HR: variants seen among roughly 807,000 people sequenced by gnomAD.
HR encodes lysine-specific demethylase hairless.
HR carries 83 observed loss-of-function variants against 128.6 expected under a neutral mutation model. The observed-to-expected ratio is 0.65, with a 90% confidence interval of 0.54 to 0.77. HR has a LOEUF of 0.77. Among genes scored for constraint, HR ranks in the 30% least tolerant of loss-of-function variants. HR has a pLI of 0.00. For missense variants in HR, 1,490 were observed against 1,574.6 expected, an observed-to-expected ratio of 0.95 and a Z score of 0.91; for synonymous variants, 681 against 658.2, an observed-to-expected ratio of 1.03 and a Z score of -0.53.
chr8:22,125,235 G>A (rs1826853337), intron 5 of HR, 76 bp downstream of exon 5: 3 of 1,456,748 alleles, frequency 2.1e-6, no homozygotes, highest in Non-Finnish European at 1.9e-6. Context: ...AGCTGGCAGT[G>A]TGGGTGGGGT....
At chr8:22,115,832 C>A in intron 18 of HR, 70 bp from the exon 19 acceptor site, 1 of 1,474,010 alleles carries the variant, frequency 6.8e-7, no homozygotes, top group Admixed American at 1.8e-5. Flanking sequence ...CCCCACCCTA[C>A]TTAAAAGGAA....
Position 22,116,418 on chromosome 8 carries a change from A to T in HR, c.3389T>A (p.Leu1130Gln). 6.2e-7 allele frequency: 1 copy of T among 1,613,718 alleles called. No homozygotes were observed. Among genetic ancestry groups the T allele is most frequent in the Non-Finnish European group, 8.5e-7 (1 of 1,179,864 alleles). ...PAGAPHQVQG[L>Q]VSTVSVTQHF... ...CTGAGTGACGCTGACTGTGCTCACC[A>T]GGCCCTGCACCTGTGTCGGGGGGAC... The change falls in exon 18 of 19, where the codon CTG becomes CAG. Residue 1130 changes from leucine to glutamine, a missense_variant. Around this residue, in one of 3 missense-constraint regions of HR, gnomAD observed 423 missense variants for 495.9 expected, o/e 0.85. Coordinates refer to ENST00000381418, the MANE Select transcript of HR (RefSeq NM_005144.5). The surrounding 1 kb of genome is among the most constrained non-coding windows in gnomAD (Gnocchi z 4.2).
chr8:22,119,218 T>A lies in HR; in HGVS notation c.3043A>T (p.Ser1015Cys), dbSNP rs1156592080. The change falls in exon 15 of 19, where the codon AGC (serine) becomes TGC (cysteine). Residue 1015 changes from serine to cysteine, a missense_variant. This residue lies in a region of HR where 423 missense variants were observed against 495.9 expected (regional missense o/e 0.85). Coordinates refer to ENST00000381418, the MANE Select transcript of HR (RefSeq NM_005144.5). ...NLCVEVADLVSILVHADTPLP... is the reference protein window; with the variant it reads ...NLCVEVADLVCILVHADTPLP... ...GGTGTGTCGGCATGCACCAGGATGCTGACCAGGTCGGCCACCTCCACACAG... is the reference window on the plus strand; with the variant it reads ...GGTGTGTCGGCATGCACCAGGATGCAGACCAGGTCGGCCACCTCCACACAG... The A allele has an allele frequency of 1.9e-6, 3 of 1,613,842 alleles. No homozygotes were observed.
chr8:22,119,269 G>C lies in HR; in HGVS notation c.2992C>G (p.Arg998Gly). The part of the protein sequence containing the change: ...LWAAYGVSPH[R>G]GHLGTKNLCV... ...AGGTTCTTGGTCCCCAGGTGTCCCCGGTGCGGGCTCACACCTGCATGGCAA... is the reference window on the plus strand; with the variant it reads ...AGGTTCTTGGTCCCCAGGTGTCCCCCGTGCGGGCTCACACCTGCATGGCAA... The change falls in exon 15 of 19, where the codon CGG becomes GGG. Residue 998 changes from arginine (R) to glycine (G), a missense_variant. Transcript: ENST00000381418. The C allele has an allele frequency of 6.2e-7, 1 of 1,613,654 alleles. No homozygotes were observed. Among genetic ancestry groups the C allele is most frequent in the Non-Finnish European group, 8.5e-7 (1 of 1,180,032 alleles).
intron 6 of HR, 33 bp downstream of exon 6, chr8:22,123,616 A>AGGGGGGGCC: frequency 1.6e-5 from 9 of 562,348 alleles, no homozygotes; most frequent in African/African-American, 2.0e-5. Flanking sequence ...TGAGGGCTCC[A>AGGGGGGGCC]TCCCGCCCTC....
intron 8 of HR, among the ~76,000 whole-genome samples, chr8:22,121,902 T>C (rs1826764641): frequency 1.3e-5 from 2 of 152,188 alleles, no homozygotes; most frequent in Non-Finnish European, 2.9e-5. Context: ...TCTACTAAAA[T>C]AGACAAATGG....
intron 9 of HR, 150 bp from the exon 10 acceptor site, chr8:22,121,378 C>T (rs2131756495): frequency 9.0e-7 from 1 of 1,110,764 alleles, no homozygotes; most frequent in Non-Finnish European, 1.3e-6. Context: ...TCTGGGTCTC[C>T]CCGCTCTACT....
chr8:22,123,805 G>A lies in HR; in HGVS notation c.1759C>T (p.Pro587Ser). The A allele has an allele frequency of 6.2e-7, 1 of 1,600,122 alleles. No individual in the cohort carries two copies. The highest frequency in any genetic ancestry group is 8.5e-7 in the Non-Finnish European group (1 of 1,176,192). ...CCTGGGCTGTCCTCTGTCACGGCTG[G>A]CCCTTGGCCTGCTGACCACGGAGAG... ...LAWAQREGQG[P>S]AVTEDSPGIP... Residue 587 changes from proline to serine, a missense_variant, in exon 6 of 19, where the codon CCA (proline) becomes TCA (serine). Pro to Ser is a moderately conservative substitution (Grantham distance 74, BLOSUM62 -1). Around this residue, in one of 3 missense-constraint regions of HR, gnomAD observed 1,060 missense variants for 1,060.9 expected, o/e 1.00. Transcript: ENST00000381418.
chr8:22,121,774 A>C (rs1018831298), intron 8 of HR, 80 bp from the exon 9 acceptor site: 1 of 1,351,802 alleles, frequency 7.4e-7, no homozygotes. Context: ...ACCCACAAGA[A>C]TGAACAATGG....
At chr8:22,129,434 A>G (rs1046045870) in intron 1 of HR, among the ~76,000 whole-genome samples, 5 of 152,366 alleles carry the variant, frequency 3.3e-5, no homozygotes, top group African/African-American at 1.2e-4. Context: ...CACCTGGGCC[A>G]GTGCCCCTCA....
chr8:22,118,157 G>C (rs950133763), intron 16 of HR: 1 of 152,628 alleles, frequency 6.6e-6, no homozygotes. Context: ...ACACCATGCT[G>C]GCCTCTGCAC....
chr8:22,125,774 G>T (rs968527259), intron 3 of HR, 42 bp from the exon 4 acceptor site: 12 of 1,608,948 alleles, frequency 7.5e-6, no homozygotes, highest in Non-Finnish European at 1.0e-5. Context: ...GGTTTCTTGG[G>T]CTGCTGAGAA....
chr8:22,125,421 TCAGGGCCGGACC>T lies in HR; in HGVS notation c.1628_1639del (p.Gly543_Pro546del). The T allele has an allele frequency of 6.2e-7, 1 of 1,613,056 alleles. No homozygotes were observed. On this transcript the variant is annotated inframe_deletion, in exon 5 of 19. Coordinates refer to ENST00000381418, the MANE Select transcript of HR (RefSeq NM_005144.5). Reference sequence around the variant, plus strand: ...GGCGAGGCCTGTGCTGAGCCGGCTGTCAGGGCCGGACCCTGGGCCTTCCTCAGAGCTGGAGTT... The same window carrying T: ...GGCGAGGCCTGTGCTGAGCCGGCTGTCTGGGCCTTCCTCAGAGCTGGAGTT...
intron 16 of HR, chr8:22,117,736 C>T (rs6557832): frequency 0.044 from 6,712 of 152,616 alleles, 499 homozygotes; most frequent in African/African-American, 0.15. Context: ...GCAAAGGGGA[C>T]GCCAGCATCG....
In HR at chr8:22,120,759, C is replaced by A. The variant is rs755575974; in HGVS notation, c.2567G>T (p.Arg856Leu). 72 of 1,518,600 alleles carry A rather than the reference C, an allele frequency of 4.7e-5. No homozygotes were observed. The highest frequency in any genetic ancestry group is 6.3e-5 in the Non-Finnish European group (71 of 1,131,538). 94.1% of individuals were successfully genotyped at this position (1,518,600 alleles called of 1,614,324 possible). The stretch of plus-strand genomic sequence containing the variant: ...CTCCTGGAAGAGGTGGAAGCCACGC[C>A]GAGGGCAAGGCTGGGGCTCCTGCAG... ...LWLQEPQPCP[R>L]RGFHLFQEHW... Residue 856 changes from arginine (R) to leucine (L), a missense_variant, in exon 11 of 19, where the codon CGG (arginine) becomes CTG (leucine). By Grantham distance (102) the Arg-to-Leu change is moderately radical. Transcript: ENST00000381418.
At chr8:22,129,993 T>C (rs1379169300) in intron 1 of HR, among the ~76,000 whole-genome samples, 1 of 152,132 alleles carries the variant, frequency 6.6e-6, no homozygotes, top group Non-Finnish European at 1.5e-5. Flanking sequence ...CAAGCTGCCC[T>C]AGCCCAGCCA....
In HR at chr8:22,114,536, A is replaced by G. The variant is rs1826536910; in HGVS notation, c.*1164T>C. ...TTTGTAGGGCTGAGATACACAAAGGAAGCGGGAGAGGGCGGAGCGCCACCA... is the reference window on the plus strand; with the variant it reads ...TTTGTAGGGCTGAGATACACAAAGGGAGCGGGAGAGGGCGGAGCGCCACCA... On this transcript the variant is annotated 3_prime_UTR_variant, in exon 19 of 19. Transcript: ENST00000381418. The G allele has an allele frequency of 6.5e-6, 1 of 152,824 alleles. No homozygotes were observed. Among genetic ancestry groups the G allele is most frequent in the Admixed American group, 6.5e-5 (1 of 15,292 alleles). 9.5% of individuals were successfully genotyped at this position (152,824 alleles called of 1,614,324 possible).
chr8:22,120,005 C>T lies in HR; in HGVS notation c.2846+99G>A. ...GGGCAAACATGAGAGTACCAGGGACCACGGGGTGGGGGTTGGGGGCAGAGG... is the reference window on the plus strand; with the variant it reads ...GGGCAAACATGAGAGTACCAGGGACTACGGGGTGGGGGTTGGGGGCAGAGG... On this transcript the variant is annotated intron_variant, in intron 13 of 18. Transcript: ENST00000381418. 24 of 1,583,574 alleles carry T rather than the reference C, an allele frequency of 1.5e-5. 1 individual carries two copies. The South Asian group carries it at 2.4e-4, about 16-fold the overall frequency.
At chr8:22,125,845 C>A in intron 3 of HR, 113 bp from the exon 4 acceptor site, 2 of 1,261,856 alleles carry the variant, frequency 1.6e-6, no homozygotes, top group South Asian at 1.3e-5. Context: ...GTTCCTCGCC[C>A]CAGGTCTCTG....
Sources: gnomAD v4.1 joint callset for allele counts (sites outside exome capture counted in the v4.1 genomes callset) on GRCh38, gnomAD v4.1.1 for gene constraint, gnomAD v4.1.1 regional missense constraint, Gnocchi (gnomAD v3.1) non-coding constraint, MANE v1.5 for transcripts, NCBI Gene and HGNC (gene_info 2026-07-23, HGNC 2026-07-21) for gene names.